The following R3HDM1 variants were observed in gnomAD, a reference collection of about 807,000 sequenced individuals.
The protein encoded by R3HDM1 is R3H domain containing 1.
R3HDM1 carries 46 observed loss-of-function variants against 141.1 expected under a neutral mutation model. The observed-to-expected ratio is 0.33, with a 90% CI of 0.26 to 0.42. The LOEUF is 0.42. Ranked by LOEUF, R3HDM1 falls within the 10% of genes least tolerant of loss-of-function variation. The probability of loss-of-function intolerance (pLI) is 1.00; values close to 1 mark genes in which losing one functional copy is unlikely to be tolerated. For synonymous variants in R3HDM1, 435 were observed against 472.9 expected (o/e 0.92, Z 1.04); for missense variants, 1,184 against 1,368.3 (o/e 0.87, Z 2.12).
At chr2:135,649,737 G>C (rs2064937960) in intron 16 of R3HDM1, among the ~76,000 whole-genome samples, 165 bp from the exon 17 acceptor site, 1 of 152,074 alleles carries the variant, frequency 6.6e-6, no homozygotes, top group South Asian at 2.1e-4. Context: ...TATTAGAGTT[G>C]CTTCACTTTG....
intron 1 of R3HDM1, among the ~76,000 whole-genome samples, chr2:135,602,025 G>C (rs947864295): frequency 2.0e-5 from 3 of 149,118 alleles, no homozygotes; most frequent in African/African-American, 7.4e-5. Flanking sequence ...ATGTTAAATG[G>C]CTTGTTATTT....
chr2:135,559,050 AGTGTGTGTGTGTGTGTGTGTGTGT>A (rs10684618), intron 1 of R3HDM1: 54 of 842,340 alleles, frequency 6.4e-5, no homozygotes, highest in African/African-American at 1.6e-4. Flanking sequence ...GATTCCACAA[AGTGTGTGTGTGTGTGTGTGTGTGT>A]GTGTGTGTGT....
intron 6 of R3HDM1, chr2:135,621,934 A>G (rs1216181252): frequency 2.0e-6 from 2 of 982,100 alleles, no homozygotes; most frequent in East Asian, 1.1e-4. Context: ...TGAATTCCTT[A>G]TGGTACAAAG....
At chr2:135,635,820 T>C (rs932680992) in intron 9 of R3HDM1, 70 bp from the exon 10 acceptor site, 10 of 1,502,596 alleles carry the variant, frequency 6.7e-6, no homozygotes, top group Non-Finnish European at 8.9e-6. Context: ...TAAAATGTTA[T>C]GTTTAACTTC....
At chr2:135,678,379 T>C (rs1389495573) in intron 20 of R3HDM1, among the ~76,000 whole-genome samples, 1 of 152,108 alleles carries the variant, frequency 6.6e-6, no homozygotes, top group Non-Finnish European at 1.5e-5. Context: ...TAATCTAAGG[T>C]CTTATAGCTA....
At chr2:135,583,871 T>C in intron 1 of R3HDM1, 1 of 985,424 alleles carries the variant, frequency 1.0e-6, no homozygotes, top group Non-Finnish European at 1.2e-6. Flanking sequence ...GTTAGTCCCA[T>C]AGTTGCCCCA....
intron 1 of R3HDM1, among the ~76,000 whole-genome samples, chr2:135,570,859 T>TA: frequency 6.6e-6 from 1 of 152,362 alleles, no homozygotes; most frequent in East Asian, 1.9e-4. Flanking sequence ...TTTTCGTTTT[T>TA]AAAAAATCAT....
chr2:135,651,155 C>G (rs2065107964), intron 17 of R3HDM1: 1 of 985,146 alleles, frequency 1.0e-6, no homozygotes, highest in Non-Finnish European at 1.2e-6. Flanking sequence ...TTGAAAAACA[C>G]AAGGGAAGAA....
intron 3 of R3HDM1, among the ~76,000 whole-genome samples, chr2:135,609,613 G>T (rs2060356473): frequency 6.6e-6 from 1 of 152,204 alleles, no homozygotes; most frequent in African/African-American, 2.4e-5. Context: ...TATTTTGTTA[G>T]ACTATGAGTA....
chr2:135,632,506 C>A (rs1016312235), intron 9 of R3HDM1, among the ~76,000 whole-genome samples: 14 of 152,152 alleles, frequency 9.2e-5, no homozygotes, highest in Non-Finnish European at 2.1e-4. Flanking sequence ...GTGCTGTCTT[C>A]TTCCTGGGCT....
intron 3 of R3HDM1, among the ~76,000 whole-genome samples, chr2:135,612,098 G>A (rs925231299): frequency 7.2e-5 from 11 of 152,092 alleles, no homozygotes; most frequent in African/African-American, 2.7e-4. Context: ...TAGTGATTGT[G>A]TTTAGTTTAT....
At chr2:135,588,649 A>T (rs924331321) in intron 1 of R3HDM1, among the ~76,000 whole-genome samples, 1 of 152,088 alleles carries the variant, frequency 6.6e-6, no homozygotes, top group Non-Finnish European at 1.5e-5. Context: ...CATTATTTAA[A>T]AATTTTTTGT....
intron 1 of R3HDM1, among the ~76,000 whole-genome samples, chr2:135,567,343 A>G (rs1703023880): frequency 6.6e-6 from 1 of 152,200 alleles, no homozygotes. Context: ...AGTCATATAT[A>G]GACAGTAACT....
intron 1 of R3HDM1, among the ~76,000 whole-genome samples, chr2:135,556,765 G>A (rs747330792): frequency 2.6e-5 from 4 of 151,632 alleles, no homozygotes; most frequent in South Asian, 2.1e-4. Context: ...TGATCTGCCC[G>A]CCTCGGCCTC....
chr2:135,634,510 G>C (rs2063063209), intron 9 of R3HDM1, among the ~76,000 whole-genome samples: 1 of 152,066 alleles, frequency 6.6e-6, no homozygotes, highest in Non-Finnish European at 1.5e-5. Flanking sequence ...TGGGCATGGT[G>C]GCACCCTCCT....
intron 5 of R3HDM1, chr2:135,620,334 T>C (rs1182585943): frequency 1.1e-6 from 1 of 881,492 alleles, no homozygotes; most frequent in Non-Finnish European, 1.4e-6. Context: ...TTTACAGTTA[T>C]GAAAAGCGTA....
chr2:135,542,762 G>A (rs776818679), intron 1 of R3HDM1, among the ~76,000 whole-genome samples: 1 of 152,158 alleles, frequency 6.6e-6, no homozygotes, highest in African/African-American at 2.4e-5. Context: ...ACCATGAGAC[G>A]GCGTCTCACT....
intron 7 of R3HDM1, among the ~76,000 whole-genome samples, chr2:135,624,832 T>C (rs1366618795): frequency 6.6e-6 from 1 of 152,202 alleles, no homozygotes; most frequent in East Asian, 1.9e-4. Flanking sequence ...AAGACACATT[T>C]GAAAGATATT....
intron 21 of R3HDM1, among the ~76,000 whole-genome samples, chr2:135,704,584 C>T (rs1313924719): frequency 6.6e-6 from 1 of 151,748 alleles, no homozygotes; most frequent in Non-Finnish European, 1.5e-5. Flanking sequence ...GATTCTTCTG[C>T]CTCAGCCTCC....
Sources: gnomAD v4.1 joint callset for allele counts (sites outside exome capture counted in the v4.1 genomes callset) on GRCh38, gnomAD v4.1.1 for gene constraint, MANE v1.5 for transcripts, NCBI Gene and HGNC (gene_info 2026-07-23, HGNC 2026-07-21) for gene names.